Variants in FTO observed in about 807,000 individuals in gnomAD.
FTO encodes FTO alpha-ketoglutarate dependent dioxygenase, also known as alpha-ketoglutarate-dependent dioxygenase FTO.
In FTO, 47 loss-of-function variants were observed where a neutral mutation model predicts 63.9. The ratio of observed to expected loss-of-function variants is 0.74; its 90% CI spans 0.58 to 0.94. The LOEUF is 0.94. Among genes scored for constraint, FTO ranks in the 40% least tolerant of loss-of-function variants. FTO has a pLI of 0.00. For missense variants in FTO, 562 were observed against 618.1 expected (o/e 0.91, Z 0.96); for synonymous variants, 207 against 224.4 (o/e 0.92, Z 0.69).
intron 4 of FTO, among the ~76,000 whole-genome samples, chr16:53,868,885 G>T (rs1213742153): frequency 6.6e-6 from 1 of 152,002 alleles, no homozygotes; most frequent in African/African-American, 2.4e-5. Flanking sequence ...AGGCTGGAGT[G>T]CAGTGGCGTG....
At chr16:54,074,895 GGA>G (rs71380061) in intron 8 of FTO, among the ~76,000 whole-genome samples, 18,483 of 141,396 alleles carry the variant, frequency 0.13, 1,316 homozygotes, top group East Asian at 0.24. Flanking sequence ...CTGGAAAGAG[GGA>G]GAGAGAGAGA....
At chr16:53,901,063 A>G (rs1414816806) in intron 7 of FTO, among the ~76,000 whole-genome samples, 1 of 152,268 alleles carries the variant, frequency 6.6e-6, no homozygotes, top group African/African-American at 2.4e-5. Context: ...CCGTTTGATT[A>G]TCTTGCACTT....
intron 7 of FTO, among the ~76,000 whole-genome samples, chr16:53,902,176 C>T (rs1414718211): frequency 6.6e-6 from 1 of 152,120 alleles, no homozygotes; most frequent in African/African-American, 2.4e-5. Flanking sequence ...AGGCCTGAAA[C>T]ATTTATCCTC....
intron 8 of FTO, among the ~76,000 whole-genome samples, chr16:54,081,869 T>C (rs897452576): frequency 6.6e-6 from 1 of 152,270 alleles, no homozygotes; most frequent in Admixed American, 6.5e-5. Context: ...ACAATGACCT[T>C]CTCAAATCAT....
At chr16:53,953,055 C>T (rs1339302468) in intron 8 of FTO, among the ~76,000 whole-genome samples, 3 of 152,150 alleles carry the variant, frequency 2.0e-5, no homozygotes, top group South Asian at 4.2e-4. Context: ...ACCCTCCCCA[C>T]GGGCCTAGAG....
At chr16:53,975,707 A>G (rs1282068784) in intron 8 of FTO, among the ~76,000 whole-genome samples, 1 of 152,128 alleles carries the variant, frequency 6.6e-6, no homozygotes, top group Non-Finnish European at 1.5e-5. Context: ...TAAAAATCCA[A>G]ACAATATAAA....
intron 8 of FTO, among the ~76,000 whole-genome samples, chr16:54,093,458 C>T (rs926931663): frequency 1.2e-4 from 19 of 152,208 alleles, no homozygotes; most frequent in South Asian, 2.1e-4. Flanking sequence ...AGGCCGGGCA[C>T]GGGGCAGGAG....
intron 1 of FTO, among the ~76,000 whole-genome samples, chr16:53,808,446 T>A (rs1387434684): frequency 6.6e-6 from 1 of 152,210 alleles, no homozygotes; most frequent in Non-Finnish European, 1.5e-5. Flanking sequence ...AATAGAATTA[T>A]GCCTAAGAGT....
intron 8 of FTO, among the ~76,000 whole-genome samples, chr16:54,105,585 G>A (rs1123817): frequency 0.028 from 4,217 of 152,236 alleles, 133 homozygotes; most frequent in South Asian, 0.084. Flanking sequence ...TAGATTATTA[G>A]GAAAGTAAGA....
At chr16:53,950,167 A>AAAAAAAAAAAAAC in intron 8 of FTO, among the ~76,000 whole-genome samples, 1 of 147,896 alleles carries the variant, frequency 6.8e-6, no homozygotes, top group Non-Finnish European at 1.5e-5. Flanking sequence ...AAAAAAAAAA[A>AAAAAAAAAAAAAC]AAAAAAAAAA....
chr16:54,067,752 A>G (rs1183229829), intron 8 of FTO, among the ~76,000 whole-genome samples: 2 of 152,242 alleles, frequency 1.3e-5, no homozygotes, highest in African/African-American at 2.4e-5. Flanking sequence ...CTTAGTTCAT[A>G]TAGGCCTACT....
intron 8 of FTO, among the ~76,000 whole-genome samples, chr16:54,075,972 G>T (rs1186209747): frequency 1.3e-5 from 2 of 152,110 alleles, no homozygotes; most frequent in African/African-American, 4.8e-5. Context: ...ACTAGAATAT[G>T]CGAGGCCGGA....
At chr16:53,722,102 G>A (rs1048351843) in intron 1 of FTO, among the ~76,000 whole-genome samples, 25 of 152,138 alleles carry the variant, frequency 1.6e-4, no homozygotes, top group African/African-American at 4.1e-4. Flanking sequence ...TTCATGAAGC[G>A]TTTGAGGATT....
At chr16:53,837,797 A>G (rs1018316097) in intron 3 of FTO, among the ~76,000 whole-genome samples, 6 of 152,224 alleles carry the variant, frequency 3.9e-5, no homozygotes, top group South Asian at 4.1e-4. Context: ...TGTAGTAATT[A>G]TGCACGAAGA....
At position 53,783,674 on chromosome 16, in the gene FTO, G is replaced by C. The variant is rs538966732; in HGVS notation, c.46-26466G>C. On this transcript the variant is annotated intron_variant, in intron 1 of 8. Transcript: ENST00000471389. ...GTGGTGGCACGTGCCTATAATCCCA[G>C]CTACTCGGGAGGCTGAGGCAGGAGA... Among the ~76,000 whole-genome samples the C allele has an allele frequency of 4.7e-5, 7 of 149,226 alleles. No homozygotes were observed. The South Asian group carries it at 1.5e-3, about 32-fold the overall frequency.
chr16:53,957,849 A>G (rs1026837776), intron 8 of FTO, among the ~76,000 whole-genome samples: 3 of 152,246 alleles, frequency 2.0e-5, no homozygotes, highest in African/African-American at 7.2e-5. Context: ...TGCTATCAGT[A>G]ACAATGCCTC....
chr16:53,775,302 C>A (rs1257883733), intron 1 of FTO, among the ~76,000 whole-genome samples: 19 of 152,210 alleles, frequency 1.2e-4, no homozygotes. Context: ...CTTATATGGC[C>A]CCACCTTTCC....
At chr16:53,984,950 T>C (rs1326374021) in intron 8 of FTO, 1 of 455,886 alleles carries the variant, frequency 2.2e-6, no homozygotes, top group Non-Finnish European at 4.4e-6. Flanking sequence ...CAGAGAGGAG[T>C]GTTGGTAAGT....
At chr16:53,844,889 CGTATTAGTTTTTA>C (rs1483821358) in intron 4 of FTO, among the ~76,000 whole-genome samples, 1 of 150,296 alleles carries the variant, frequency 6.7e-6, no homozygotes, top group Non-Finnish European at 1.5e-5. Context: ...CTTTCCTGTC[CGTATTAGTTTTTA>C]GTAGTGAGAG....
Sources: allele counts gnomAD v4.1 joint callset (sites outside exome capture counted in the v4.1 genomes callset), GRCh38; gene constraint gnomAD v4.1.1; transcripts MANE v1.5; gene names NCBI Gene and HGNC (gene_info 2026-07-23, HGNC 2026-07-21).